APBB2: variants seen among roughly 807,000 people sequenced by gnomAD.
APBB2 encodes amyloid beta precursor protein binding family B member 2.
A neutral mutation model predicts 82.5 loss-of-function variants in APBB2; 38 were observed. That is an observed-to-expected ratio of 0.46 (90% CI 0.36 to 0.60). The LOEUF is 0.60. APBB2 is among the 20% of genes least tolerant of loss of function. APBB2 has a pLI of 0.00. For synonymous variants in APBB2, 341 were observed against 368.2 expected (o/e 0.93, Z 0.85); for missense variants, 772 against 972.3 (o/e 0.79, Z 2.74).
At chr4:41,033,806 C>T (rs1037173878) in intron 4 of APBB2, among the ~76,000 whole-genome samples, 1 of 151,914 alleles carries the variant, frequency 6.6e-6, no homozygotes, top group Non-Finnish European at 1.5e-5. Flanking sequence ...TCCTTAAAAC[C>T]ATTAAGAAAA....
chr4:41,095,379 C>T (rs1743150835), intron 3 of APBB2, among the ~76,000 whole-genome samples: 1 of 152,208 alleles, frequency 6.6e-6, no homozygotes, highest in African/African-American at 2.4e-5. Context: ...TATTTCACCC[C>T]TTCTCTTAAC....
intron 5 of APBB2, among the ~76,000 whole-genome samples, chr4:41,024,517 A>G (rs892277248): frequency 2.6e-5 from 4 of 152,252 alleles, no homozygotes; most frequent in Admixed American, 2.0e-4. Context: ...CAAGCCTTCT[A>G]TATTAGGGTG....
intron 1 of APBB2, among the ~76,000 whole-genome samples, chr4:41,161,189 A>C (rs985092727): frequency 1.2e-4 from 18 of 150,552 alleles, no homozygotes; most frequent in East Asian, 5.8e-4. Flanking sequence ...AAAAAAAAAA[A>C]AAAAACGTGG....
At chr4:40,960,213 G>A (rs1017092803) in intron 6 of APBB2, among the ~76,000 whole-genome samples, 47 of 151,884 alleles carry the variant, frequency 3.1e-4, no homozygotes, top group Non-Finnish European at 1.5e-5. Flanking sequence ...CATACTTAAA[G>A]GGATCAGAGT....
chr4:40,931,279 T>C (rs777796717), intron 10 of APBB2, among the ~76,000 whole-genome samples: 6 of 152,174 alleles, frequency 3.9e-5, no homozygotes, highest in East Asian at 1.9e-4. Context: ...TGGAAGCTCC[T>C]CCAATGTGTC....
At chr4:40,905,789 T>C (rs1776541740) in intron 10 of APBB2, among the ~76,000 whole-genome samples, 1 of 152,218 alleles carries the variant, frequency 6.6e-6, no homozygotes, top group Admixed American at 6.6e-5. Context: ...GGGGAATCTT[T>C]GCTTCCTCAC....
intron 6 of APBB2, among the ~76,000 whole-genome samples, chr4:40,955,259 A>G (rs1320031972): frequency 1.3e-5 from 2 of 152,176 alleles, no homozygotes; most frequent in African/African-American, 4.8e-5. Context: ...TTTCTGAAAG[A>G]GAGAACAGCA....
In APBB2 at chr4:40,856,532, A is replaced by G. The variant is rs186360294; in HGVS notation, c.1530-25955T>C. On this transcript the variant is annotated intron_variant, in intron 12 of 17. Transcript: ENST00000508593. ...ATTTGGAAATGCACAGTTTTTCTAC[A>G]CGAAAGGATATTGCTTTTAATCCAA... is the stretch of plus-strand genomic sequence containing the variant. Among the ~76,000 whole-genome samples, 408 of 152,356 alleles carry G rather than the reference A, an allele frequency of 2.7e-3. 2 individuals carry two copies. The highest frequency in any genetic ancestry group is 9.4e-3 in the African/African-American group (392 of 41,576).
In APBB2 at chr4:40,827,158, T is replaced by C. The variant is rs562746901; in HGVS notation, c.1706A>G (p.Asn569Ser). The part of the protein sequence containing the change: ...LACSSLQERA[N>S]VNLDVPLQVD... ...TTGCAAAGGGACATCGAGGTTCACATTGGCCCTTTCCTGTAAGGAGCTGCA... is the reference window on the plus strand; with the variant it reads ...TTGCAAAGGGACATCGAGGTTCACACTGGCCCTTTCCTGTAAGGAGCTGCA... The change falls in exon 14 of 18, where the codon AAT becomes AGT. Residue 569 changes from asparagine to serine, a missense_variant. Asn to Ser is a conservative substitution (Grantham distance 46). Coordinates refer to ENST00000508593, the MANE Select transcript of APBB2 (RefSeq NM_004307.2). 3.1e-6 allele frequency: 5 copies of C among 1,614,184 alleles called. No homozygotes were observed. In the African/African-American group the frequency reaches 4.0e-5, roughly 13 times the overall value.
chr4:40,894,220 A>G (rs139487989), intron 10 of APBB2, among the ~76,000 whole-genome samples: 2 of 150,392 alleles, frequency 1.3e-5, no homozygotes, highest in African/African-American at 4.9e-5. Flanking sequence ...CCCGGAAGGC[A>G]GAGCTTGCAG....
rs1809146845 is a variant in APBB2, at chr4:41,013,953, G to T, written c.465C>A (p.Pro155=). 7.4e-6 allele frequency: 12 copies of T among 1,614,174 alleles called. No homozygotes were observed. Among genetic ancestry groups the T allele is most frequent in the Non-Finnish European group, 9.3e-6 (11 of 1,180,040 alleles). Reference sequence around the variant, plus strand: ...AATTTAGGAAGCTCTTAGTTCTCCTGGGCTGGGAGGGTAAAATCTCACAGC... The same window carrying T: ...AATTTAGGAAGCTCTTAGTTCTCCTTGGCTGGGAGGGTAAAATCTCACAGC... ...SSSCEILPSQ[P]RRTKSFLNYY... Residue 155 remains proline (P), a synonymous_variant, in exon 6 of 18, where the codon CCC becomes CCA. Coordinates refer to ENST00000508593, the MANE Select transcript of APBB2 (RefSeq NM_004307.2).
intron 5 of APBB2, among the ~76,000 whole-genome samples, chr4:41,029,475 G>T (rs1022888665): frequency 2.6e-5 from 4 of 152,204 alleles, no homozygotes; most frequent in Admixed American, 2.0e-4. Flanking sequence ...CAGAGTGTCA[G>T]ATACAATCAG....
intron 7 of APBB2, among the ~76,000 whole-genome samples, chr4:40,938,541 A>T (rs2154377360): frequency 6.6e-6 from 1 of 152,310 alleles, no homozygotes; most frequent in Middle Eastern, 3.4e-3. Flanking sequence ...CAGCTGGAAA[A>T]AGGCCAACAA....
chr4:41,049,645 C>T (rs1725197317), intron 4 of APBB2, among the ~76,000 whole-genome samples: 1 of 152,138 alleles, frequency 6.6e-6, no homozygotes, highest in Non-Finnish European at 1.5e-5. Context: ...CCCAACAGCT[C>T]ATTGAGAACG....
intron 6 of APBB2, among the ~76,000 whole-genome samples, chr4:40,986,851 A>T (rs770171275): frequency 3.3e-5 from 5 of 152,276 alleles, no homozygotes; most frequent in Non-Finnish European, 5.9e-5. Flanking sequence ...AAAATTATTA[A>T]GATAAATTTA....
chr4:40,899,250 G>T (rs1774577125), intron 10 of APBB2, among the ~76,000 whole-genome samples: 1 of 152,202 alleles, frequency 6.6e-6, no homozygotes. Context: ...TTCTGTTATT[G>T]TTGTTAGTTA....
intron 10 of APBB2, among the ~76,000 whole-genome samples, chr4:40,925,107 A>C (rs1782282034): frequency 6.6e-6 from 1 of 152,168 alleles, no homozygotes; most frequent in East Asian, 1.9e-4. Flanking sequence ...GCCATGGAAT[A>C]TGCCCCCGGA....
intron 1 of APBB2, among the ~76,000 whole-genome samples, chr4:41,211,777 C>T (rs1299468779): frequency 1.3e-5 from 2 of 152,106 alleles, no homozygotes; most frequent in Non-Finnish European, 2.9e-5. Flanking sequence ...CCACCGTACC[C>T]GGCCAGGTAT....
intron 2 of APBB2, among the ~76,000 whole-genome samples, chr4:41,132,523 C>G (rs1487891666): frequency 1.3e-5 from 2 of 152,204 alleles, no homozygotes; most frequent in African/African-American, 4.8e-5. Flanking sequence ...GCTTCCATGG[C>G]CACCTCCAGC....
Sources: allele counts gnomAD v4.1 joint callset (sites outside exome capture counted in the v4.1 genomes callset), GRCh38; gene constraint gnomAD v4.1.1; transcripts MANE v1.5; gene names NCBI Gene and HGNC (gene_info 2026-07-23, HGNC 2026-07-21).